CELF2: variants seen among roughly 807,000 people sequenced by gnomAD.
The protein encoded by CELF2 is CUG triplet repeat RNA-binding protein 2.
A neutral mutation model predicts 62.6 loss-of-function variants in CELF2; 8 were observed. That is an observed-to-expected ratio of 0.13 (90% confidence interval 0.07 to 0.23). The LOEUF (loss-of-function observed/expected upper bound fraction) is 0.23. Ranked by LOEUF, CELF2 falls within the 10% of genes least tolerant of loss-of-function variation. The pLI is 1.00. For synonymous variants in CELF2, 258 were observed against 250.0 expected (o/e 1.03, Z -0.30); for missense variants, 333 against 671.0 (o/e 0.50, Z 5.56).
chr10:10,951,099 C>T (rs1261939114), intron 2 of CELF2, among the ~76,000 whole-genome samples: 1 of 152,222 alleles, frequency 6.6e-6, no homozygotes, highest in Non-Finnish European at 1.5e-5. Context: ...TTACCAAAGC[C>T]ATCAGAACAA....
chr10:11,030,422 T>A (rs10752214), intron 1 of CELF2: 1 of 152,216 alleles, frequency 6.6e-6, no homozygotes, highest in South Asian at 2.1e-4. Context: ...GTTTCTCATT[T>A]CCAAAGCCTG....
chr10:10,537,753 T>G, the CELF2 span, among the ~76,000 whole-genome samples: 1 of 152,210 alleles, frequency 6.6e-6, no homozygotes, highest in East Asian at 1.9e-4. Context: ...ACCCAGCTCA[T>G]GTATCCTAGC....
chr10:11,304,909 G>C (rs1288753181), intron 9 of CELF2, among the ~76,000 whole-genome samples: 2 of 152,222 alleles, frequency 1.3e-5, no homozygotes, highest in African/African-American at 2.4e-5. Context: ...GAACATAATA[G>C]TAATTTTTAG....
At chr10:10,769,771 T>A in the CELF2 span, among the ~76,000 whole-genome samples, 20,351 of 147,458 alleles carry the variant, frequency 0.14, 1,710 homozygotes, top group East Asian at 0.3. Flanking sequence ...CTCCAAAAAA[T>A]AATAATAATA....
chr10:10,720,138 C>T, the CELF2 span, among the ~76,000 whole-genome samples: 1 of 152,204 alleles, frequency 6.6e-6, no homozygotes, highest in African/African-American at 2.4e-5. Flanking sequence ...AGCGCTGGGG[C>T]TCTGCCCTTG....
the CELF2 span, among the ~76,000 whole-genome samples, chr10:10,466,558 A>G: frequency 1.3e-5 from 2 of 152,094 alleles, no homozygotes; most frequent in Non-Finnish European, 2.9e-5. Context: ...TCTCTCAGGT[A>G]AACAGCTAGA....
the CELF2 span, among the ~76,000 whole-genome samples, chr10:10,770,807 AT>A: frequency 9.2e-5 from 14 of 152,330 alleles, no homozygotes; most frequent in African/African-American, 3.4e-4. Flanking sequence ...ATGTTAATGG[AT>A]GATGAATGCT....
intron 1 of CELF2, among the ~76,000 whole-genome samples, chr10:10,888,190 G>A (rs1230422607): frequency 6.6e-6 from 1 of 152,206 alleles, no homozygotes; most frequent in Non-Finnish European, 1.5e-5. Flanking sequence ...AATTTCTAAA[G>A]GACAAGAGAT....
intron 2 of CELF2, among the ~76,000 whole-genome samples, chr10:10,970,173 A>G (rs1213606391): frequency 2.0e-5 from 3 of 152,086 alleles, no homozygotes; most frequent in Non-Finnish European, 4.4e-5. Context: ...GGGTCAAGCA[A>G]TTCTTCTGCC....
intron 1 of CELF2, among the ~76,000 whole-genome samples, chr10:11,053,566 T>TAA (rs113523435): frequency 4.0e-5 from 6 of 149,796 alleles, no homozygotes; most frequent in Non-Finnish European, 7.4e-5. Flanking sequence ...ACACATTTTT[T>TAA]AAAAAAAAAG....
rs2050898913 is a variant in CELF2, at chr10:10,972,837, C to T, written c.89+52838C>T. Among the ~76,000 whole-genome samples, 1 of 152,134 alleles carries T rather than the reference C, an allele frequency of 6.6e-6. No individual in the cohort carries two copies. The highest frequency in any genetic ancestry group is 1.5e-5 in the Non-Finnish European group (1 of 68,016). On this transcript the variant is annotated intron_variant, in intron 2 of 13. Coordinates refer to the CELF2 transcript ENST00000636488. The surrounding 1 kb of genome is among the most constrained non-coding windows in gnomAD (Gnocchi z 4.4). ...TCAGAGAGCTACCTTCCTCAGAAAA[C>T]ATGGGGACATGGTAGATTTTGCCTG...
chr10:10,760,135 C>T, the CELF2 span, among the ~76,000 whole-genome samples: 1 of 152,164 alleles, frequency 6.6e-6, no homozygotes, highest in Admixed American at 6.5e-5. Context: ...AACTCCTGAC[C>T]TCAGGTGATC....
At chr10:10,985,226 T>C (rs1236261135) in intron 2 of CELF2, among the ~76,000 whole-genome samples, 1 of 152,164 alleles carries the variant, frequency 6.6e-6, no homozygotes, top group African/African-American at 2.4e-5. Flanking sequence ...CACATTTTGG[T>C]GATAATATTT....
chr10:10,515,206 C>T, the CELF2 span, among the ~76,000 whole-genome samples: 1 of 152,154 alleles, frequency 6.6e-6, no homozygotes, highest in Non-Finnish European at 1.5e-5. Flanking sequence ...ACCTGATCGC[C>T]TTTTATAAAC....
intron 1 of CELF2, among the ~76,000 whole-genome samples, chr10:11,052,942 A>G (rs891095374): frequency 3.3e-5 from 5 of 152,226 alleles, no homozygotes; most frequent in Non-Finnish European, 7.4e-5. Flanking sequence ...TCTTGTCCTT[A>G]GAGTGAAATG....
chr10:10,985,088 G>A (rs1409744669), intron 2 of CELF2, among the ~76,000 whole-genome samples: 1 of 152,128 alleles, frequency 6.6e-6, no homozygotes, highest in Non-Finnish European at 1.5e-5. Flanking sequence ...CTGGGAATTA[G>A]GAAAATTTCG....
intron 2 of CELF2, chr10:10,960,269 T>C (rs1459999396): frequency 6.6e-6 from 1 of 152,190 alleles, no homozygotes; most frequent in African/African-American, 2.4e-5. Context: ...GCAGGAAAAG[T>C]CTTCTTGATC....
At chr10:10,687,845 T>A in the CELF2 span, among the ~76,000 whole-genome samples, 1 of 152,200 alleles carries the variant, frequency 6.6e-6, no homozygotes, top group African/African-American at 2.4e-5. Flanking sequence ...ACCTGAGGCA[T>A]GAGAAAGAAA....
the CELF2 span, among the ~76,000 whole-genome samples, chr10:10,484,912 C>T: frequency 6.6e-6 from 1 of 152,214 alleles, no homozygotes; most frequent in Admixed American, 6.5e-5. Context: ...AGGATATTTT[C>T]CAATGAAAAT....
Sources: allele counts gnomAD v4.1 joint callset (sites outside exome capture counted in the v4.1 genomes callset), GRCh38; gene constraint gnomAD v4.1.1; non-coding constraint Gnocchi (gnomAD v3.1); transcripts MANE v1.5; gene names NCBI Gene and HGNC (gene_info 2026-07-23, HGNC 2026-07-21).